The following RBPJ variants were observed in gnomAD, a reference collection of about 807,000 sequenced individuals.
RBPJ encodes recombination signal binding protein for immunoglobulin kappa J region, also known as recombining binding protein suppressor of hairless.
Under a neutral mutation model 67.8 loss-of-function variants are expected in RBPJ, and 9 were observed. That is an observed-to-expected ratio of 0.13 (90% CI 0.08 to 0.23). The LOEUF (loss-of-function observed/expected upper bound fraction) is 0.23. RBPJ is among the 10% of genes least tolerant of loss of function. RBPJ has a pLI of 1.00. For missense variants in RBPJ, 305 were observed against 595.6 expected, an observed-to-expected ratio of 0.51 and a Z score of 5.08; for synonymous variants, 198 against 203.3, an observed-to-expected ratio of 0.97 and a Z score of 0.22.
intron 1 of RBPJ, among the ~76,000 whole-genome samples, chr4:26,341,912 G>C (rs1363993178): frequency 1.3e-5 from 2 of 152,196 alleles, no homozygotes; most frequent in Non-Finnish European, 2.9e-5. Context: ...CAAGAGAGAA[G>C]AAAGTGTAGC....
At chr4:26,255,839 C>A (rs932224886) in intron 1 of RBPJ, among the ~76,000 whole-genome samples, 2 of 151,504 alleles carry the variant, frequency 1.3e-5, no homozygotes, top group Admixed American at 6.6e-5. Context: ...AAGAAAATCA[C>A]CTAAGTTCTA....
intron 1 of RBPJ, among the ~76,000 whole-genome samples, chr4:26,238,474 T>C (rs1371298846): frequency 6.6e-6 from 1 of 152,180 alleles, no homozygotes; most frequent in Non-Finnish European, 1.5e-5. Flanking sequence ...GAAGGAAGTA[T>C]GGAAAGTGTA....
At chr4:26,173,794 A>G (rs1273891616) in intron 1 of RBPJ, among the ~76,000 whole-genome samples, 1 of 152,206 alleles carries the variant, frequency 6.6e-6, no homozygotes, top group African/African-American at 2.4e-5. Flanking sequence ...CGGGCTGGGC[A>G]CTGGACTAGG....
At chr4:26,385,003 C>T (rs1730750415) in intron 1 of RBPJ, among the ~76,000 whole-genome samples, 1 of 114,772 alleles carries the variant, frequency 8.7e-6, no homozygotes, top group Non-Finnish European at 1.8e-5. Context: ...CCTCTCCTCC[C>T]CTCCCCCCTT....
chr4:26,228,571 C>T (rs185918556), intron 1 of RBPJ, among the ~76,000 whole-genome samples: 27 of 152,306 alleles, frequency 1.8e-4, no homozygotes, highest in Middle Eastern at 3.4e-3. Flanking sequence ...ATTTGCATCT[C>T]GTTTTCAGGT....
the RBPJ span, among the ~76,000 whole-genome samples, chr4:26,125,867 C>G: frequency 2.0e-5 from 3 of 152,080 alleles, no homozygotes; most frequent in Admixed American, 2.0e-4. Context: ...TTATAGGATG[C>G]CTGAGGATTC....
At chr4:26,124,142 A>T in the RBPJ span, among the ~76,000 whole-genome samples, 1 of 151,568 alleles carries the variant, frequency 6.6e-6, no homozygotes, top group African/African-American at 2.4e-5. Context: ...AGATTATGGG[A>T]CACCCATCAG....
chr4:26,175,220 C>A (rs535324136), intron 1 of RBPJ, among the ~76,000 whole-genome samples: 3 of 152,156 alleles, frequency 2.0e-5, no homozygotes, highest in Admixed American at 2.0e-4. Context: ...CTGAAGCCGA[C>A]GACAGCTGAG....
intron 2 of RBPJ, among the ~76,000 whole-genome samples, chr4:26,393,046 C>T (rs142874054): frequency 6.4e-4 from 98 of 152,170 alleles, no homozygotes; most frequent in African/African-American, 2.2e-3. Context: ...GGGGTTTCAC[C>T]GTGTTGGCCA....
intron 1 of RBPJ, among the ~76,000 whole-genome samples, chr4:26,208,842 G>A (rs1406285867): frequency 6.6e-6 from 1 of 152,102 alleles, no homozygotes; most frequent in Non-Finnish European, 1.5e-5. Context: ...CTCAGTGACT[G>A]GGAGCTCTGT....
intron 1 of RBPJ, among the ~76,000 whole-genome samples, chr4:26,175,248 G>A (rs1050082325): frequency 2.0e-5 from 3 of 152,146 alleles, no homozygotes; most frequent in South Asian, 2.1e-4. Context: ...CCTGGAATTC[G>A]GATGCTCAGA....
chr4:26,206,553 CAT>C (rs1448990818), intron 1 of RBPJ, among the ~76,000 whole-genome samples: 1 of 152,286 alleles, frequency 6.6e-6, no homozygotes, highest in Admixed American at 6.5e-5. Flanking sequence ...GAGGAACTGA[CAT>C]AATTTTTTAA....
intron 1 of RBPJ, among the ~76,000 whole-genome samples, chr4:26,328,475 G>A (rs920896253): frequency 6.6e-6 from 1 of 152,192 alleles, no homozygotes; most frequent in Non-Finnish European, 1.5e-5. Context: ...CCGATATTTA[G>A]TGTTGGTGGG....
intron 1 of RBPJ, among the ~76,000 whole-genome samples, chr4:26,281,373 G>T (rs1165165785): frequency 2.0e-5 from 3 of 152,032 alleles, no homozygotes; most frequent in Non-Finnish European, 4.4e-5. Context: ...CCACCTCCTG[G>T]GTTCAAGCAA....
chr4:26,182,344 A>AC (rs1717038421), intron 1 of RBPJ, among the ~76,000 whole-genome samples: 1 of 152,194 alleles, frequency 6.6e-6, no homozygotes, highest in African/African-American at 2.4e-5. Flanking sequence ...TCCGTCTCAA[A>AC]AAAACAAACA....
chr4:26,403,400 A>G (rs924954706), intron 2 of RBPJ, among the ~76,000 whole-genome samples: 8 of 152,150 alleles, frequency 5.3e-5, no homozygotes, highest in Non-Finnish European at 1.2e-4. Context: ...AAAAACTTTT[A>G]TTTTAGGTTC....
At chr4:26,280,639 A>T (rs957504738) in intron 1 of RBPJ, among the ~76,000 whole-genome samples, 4 of 152,206 alleles carry the variant, frequency 2.6e-5, no homozygotes, top group Non-Finnish European at 5.9e-5. Flanking sequence ...GAAATAGACA[A>T]GAGTGATGGT....
chr4:26,114,672 C>G, the RBPJ span, among the ~76,000 whole-genome samples: 2 of 151,884 alleles, frequency 1.3e-5, no homozygotes, highest in Non-Finnish European at 2.9e-5. Context: ...TCCACACAAA[C>G]TACCACTGGT....
chr4:26,391,652 C>A (rs1731515771), intron 2 of RBPJ, among the ~76,000 whole-genome samples: 1 of 152,068 alleles, frequency 6.6e-6, no homozygotes, highest in East Asian at 1.9e-4. Context: ...AATTTTACTT[C>A]ATCAAAATAA....
Sources: gnomAD v4.1 joint callset for allele counts (sites outside exome capture counted in the v4.1 genomes callset) on GRCh38, gnomAD v4.1.1 for gene constraint, MANE v1.5 for transcripts, NCBI Gene and HGNC (gene_info 2026-07-23, HGNC 2026-07-21) for gene names.